The following ADAM10 variants were observed in gnomAD, a reference collection of about 807,000 sequenced individuals.
ADAM10 encodes the protein disintegrin and metalloproteinase domain-containing protein 10.
ADAM10 carries 17 observed loss-of-function variants against 90.1 expected under a neutral mutation model. The ratio of observed to expected loss-of-function variants is 0.19; its 90% confidence interval spans 0.13 to 0.28. ADAM10 has a LOEUF of 0.28. Ranked by LOEUF, ADAM10 falls within the 10% of genes least tolerant of loss-of-function variation. The pLI is 1.00. For synonymous variants in ADAM10, 310 were observed against 298.6 expected (o/e 1.04, Z -0.40); for missense variants, 610 against 914.3 (o/e 0.67, Z 4.29).
In ADAM10 at chr15:58,670,140, C is replaced by T. The variant is rs145829525; in HGVS notation, c.485-4943G>A. On this transcript the variant is annotated intron_variant, in intron 4 of 15. Coordinates refer to ENST00000260408, the MANE Select transcript of ADAM10 (RefSeq NM_001110.4). ...CAATTAAGCTGTTAAAAGAGTAATA[C>T]TGACTACAGAGATGTGACACTCAAA... Among the ~76,000 whole-genome samples, 7 of 151,190 alleles carry T rather than the reference C, an allele frequency of 4.6e-5. No individual in the cohort carries two copies. In the South Asian group the frequency reaches 6.3e-4, roughly 14 times the overall value.
At chr15:58,655,952 G>A (rs1485425332) in intron 5 of ADAM10, among the ~76,000 whole-genome samples, 1 of 150,888 alleles carries the variant, frequency 6.6e-6, no homozygotes, top group Admixed American at 6.6e-5. Context: ...TCGCCATGTT[G>A]GCCAGGCTGG....
intron 6 of ADAM10, 44 bp downstream of exon 6, chr15:58,646,011 A>C: frequency 5.0e-6 from 8 of 1,606,116 alleles, no homozygotes; most frequent in Non-Finnish European, 6.8e-6. Flanking sequence ...TAGGCATTAT[A>C]AAACAATATG....
intron 14 of ADAM10, among the ~76,000 whole-genome samples, chr15:58,601,257 T>A (rs1324593702): frequency 6.6e-6 from 1 of 151,620 alleles, no homozygotes; most frequent in Non-Finnish European, 1.5e-5. Context: ...AGGTCAGGAG[T>A]TCGAGACTAG....
At chr15:58,723,042 A>AT (rs10717942) in intron 1 of ADAM10, among the ~76,000 whole-genome samples, 36 of 149,878 alleles carry the variant, frequency 2.4e-4, no homozygotes, top group African/African-American at 5.1e-4. Context: ...AAATCAGAGG[A>AT]TTTTTTTTTT....
chr15:58,748,742 C>G lies in ADAM10; in HGVS notation c.55+738G>C, dbSNP rs529998030. 1.0e-5 allele frequency: 4 copies of G among 394,224 alleles called. No individual in the cohort carries two copies. The East Asian group carries it at 1.4e-4, about 14-fold the overall frequency. 24.4% of individuals were successfully genotyped at this position (394,224 alleles called of 1,614,324 possible). A position where few individuals can be genotyped will look rare whatever the true frequency, so the allele number is the denominator to read the frequency against. ...ATCCCCAAATGGTTTACCCTTCTCC[C>G]GACCAAACCCTTTCCCCTGGGCGAC... On this transcript the variant is annotated intron_variant, in intron 1 of 15. Coordinates refer to ENST00000260408, the MANE Select transcript of ADAM10 (RefSeq NM_001110.4).
intron 4 of ADAM10, 60 bp downstream of exon 4, chr15:58,679,060 CCACA>C: frequency 6.8e-7 from 1 of 1,479,286 alleles, no homozygotes; most frequent in Non-Finnish European, 9.3e-7. Context: ...TCATTTGTCT[CCACA>C]CAGTTTTAAC....
intron 5 of ADAM10, among the ~76,000 whole-genome samples, chr15:58,650,732 A>G (rs1301146985): frequency 6.6e-6 from 1 of 152,184 alleles, no homozygotes; most frequent in Non-Finnish European, 1.5e-5. Flanking sequence ...CTTCAAATAA[A>G]TACACACAAA....
At chr15:58,720,104 T>G (rs1394941352) in intron 1 of ADAM10, among the ~76,000 whole-genome samples, 1 of 152,206 alleles carries the variant, frequency 6.6e-6, no homozygotes, top group Admixed American at 6.5e-5. Context: ...TTATTTAACT[T>G]TTTTAAATCT....
chr15:58,686,718 A>G (rs543471867), intron 2 of ADAM10: 2 of 638,302 alleles, frequency 3.1e-6, no homozygotes, highest in South Asian at 1.8e-5. Context: ...ACTTTTAGAG[A>G]TATTTCAGCC....
intron 1 of ADAM10, among the ~76,000 whole-genome samples, chr15:58,726,567 C>CAAA (rs71116593): frequency 0.046 from 956 of 20,736 alleles, 206 homozygotes; most frequent in African/African-American, 0.18. Flanking sequence ...CTCAGTCTCC[C>CAAA]AAAAAAAAAA....
intron 14 of ADAM10, among the ~76,000 whole-genome samples, chr15:58,601,225 G>T (rs1464277184): frequency 5.3e-5 from 8 of 152,134 alleles, no homozygotes; most frequent in South Asian, 2.1e-4. Flanking sequence ...ACTTTGGGAG[G>T]CCGGGGCGGG....
chr15:58,599,495 A>G, intron 15 of ADAM10, 103 bp downstream of exon 15: 1 of 1,347,752 alleles, frequency 7.4e-7, no homozygotes. Context: ...TCTTACGGAG[A>G]AAGTACTGTA....
chr15:58,614,261 G>A (rs900802665), intron 11 of ADAM10, among the ~76,000 whole-genome samples: 5 of 151,326 alleles, frequency 3.3e-5, no homozygotes, highest in Non-Finnish European at 7.4e-5. Flanking sequence ...CTCCAGCCTG[G>A]GTGATGAAGT....
chr15:58,726,566 CCAAAA>C (rs1899036033), intron 1 of ADAM10, among the ~76,000 whole-genome samples: 3 of 9,806 alleles, frequency 3.1e-4, no homozygotes, highest in South Asian at 3.4e-3. Context: ...CCTCAGTCTC[CCAAAA>C]AAAAAAAAAA....
intron 1 of ADAM10, among the ~76,000 whole-genome samples, chr15:58,735,840 AT>A (rs1234609699): frequency 2.6e-5 from 4 of 152,220 alleles, no homozygotes; most frequent in African/African-American, 9.6e-5. Context: ...GTTCTCTAAA[AT>A]GATTACATAT....
At chr15:58,679,553 C>A (rs1897372530) in intron 3 of ADAM10, among the ~76,000 whole-genome samples, 1 of 152,072 alleles carries the variant, frequency 6.6e-6, no homozygotes, top group Non-Finnish European at 1.5e-5. Flanking sequence ...TGCCTTGTTA[C>A]CAACCACATT....
intron 1 of ADAM10, among the ~76,000 whole-genome samples, chr15:58,742,655 AC>A (rs759279436): frequency 1.3e-5 from 2 of 152,184 alleles, no homozygotes; most frequent in Non-Finnish European, 2.9e-5. Context: ...CACTGCCCTT[AC>A]AGGAATCCAA....
At chr15:58,722,349 T>A (rs1023953927) in intron 1 of ADAM10, among the ~76,000 whole-genome samples, 4 of 150,994 alleles carry the variant, frequency 2.6e-5, no homozygotes, top group African/African-American at 9.7e-5. Flanking sequence ...TCACAAAAAA[T>A]AATAATAAGT....
intron 3 of ADAM10, 44 bp downstream of exon 3, chr15:58,682,150 GAA>G (rs749660034): frequency 1.5e-5 from 19 of 1,238,886 alleles, no homozygotes; most frequent in African/African-American, 1.4e-4. Context: ...TCTTTGTGTA[GAA>G]AAAAAAAAAT....
Sources: gnomAD v4.1 joint callset for allele counts (sites outside exome capture counted in the v4.1 genomes callset) on GRCh38, gnomAD v4.1.1 for gene constraint, MANE v1.5 for transcripts, NCBI Gene and HGNC (gene_info 2026-07-23, HGNC 2026-07-21) for gene names.